The following SIRT3 variants were observed in gnomAD, a reference collection of about 807,000 sequenced individuals.
SIRT3 encodes sirtuin 3.
Under a neutral mutation model 33.5 loss-of-function variants are expected in SIRT3, and 26 were observed. The ratio of observed to expected loss-of-function variants is 0.78; its 90% CI spans 0.57 to 1.08. The LOEUF (loss-of-function observed/expected upper bound fraction) is 1.08. SIRT3 is among the 50% of genes least tolerant of loss of function. SIRT3 has a pLI of 0.00. For synonymous variants in SIRT3, 237 were observed against 222.1 expected (o/e 1.07, Z -0.60); for missense variants, 585 against 530.1 (o/e 1.10, Z -1.02).
chr11:234,217 C>A (rs978088668), intron 1 of SIRT3, among the ~76,000 whole-genome samples: 5 of 152,200 alleles, frequency 3.3e-5, no homozygotes, highest in Admixed American at 6.5e-5. Context: ...GTGTGAAATT[C>A]ACTGGGAGTG....
In SIRT3 at chr11:230,563, A is replaced by G; in HGVS notation, c.707-11T>C. 6.7e-7 allele frequency: 1 copy of G among 1,494,834 alleles called. No individual in the cohort carries two copies. Among genetic ancestry groups the G allele is most frequent in the Admixed American group, 2.4e-5 (1 of 41,222 alleles). The allele number at this position is 1,494,834 out of a possible 1,614,324, so 92.6% of individuals were successfully genotyped here. ...CAGGGATGCCCGACACTGAAATTCA[A>G]GCCAAAGCGAAGTGTTGCTGCCGCC... On this transcript the variant is annotated splice_polypyrimidine_tract_variant and intron_variant, in intron 3 of 6. Coordinates refer to ENST00000382743, the MANE Select transcript of SIRT3 (RefSeq NM_012239.6).
At chr11:224,351 G>T in intron 4 of SIRT3, 112 bp from the exon 5 acceptor site, 2 of 1,169,158 alleles carry the variant, frequency 1.7e-6, no homozygotes, top group Non-Finnish European at 2.4e-6. Context: ...AAAGGTGAGA[G>T]AGGGATCATG....
intron 4 of SIRT3, among the ~76,000 whole-genome samples, chr11:224,585 C>T (rs11246015): frequency 0.16 from 23,768 of 152,188 alleles, 2,347 homozygotes; most frequent in Middle Eastern, 0.22. Context: ...CCTGGTAGAC[C>T]ACACCAGTCC....
upstream of SIRT3, chr11:236,870 G>C (rs868404110): frequency 1.6e-5 from 10 of 616,738 alleles, no homozygotes; most frequent in Non-Finnish European, 2.3e-5. Flanking sequence ...GGAGAGTTTT[G>C]TCCGGAGCGC....
In SIRT3 at chr11:233,068, G is replaced by A. The variant is rs61744899; in HGVS notation, c.621C>T (p.Asn207=). ...KELYPGNYKP[N]VTHYFLRLLH... ...GCAGCCGGAGAAAGTAGTGAGTGAC[G>A]TTGGGCTTGTAGTTTCCAGGGTACA... The change falls in exon 3 of 7, where the codon AAC becomes AAT. Residue 207 remains asparagine, a synonymous_variant. Transcript: ENST00000382743. The A allele has an allele frequency of 2.4e-4, 382 of 1,614,200 alleles. 1 individual carries two copies. In the African/African-American group the frequency reaches 4.2e-3, roughly 18 times the overall value.
At chr11:217,724 G>A (rs1460645234) in intron 6 of SIRT3, among the ~76,000 whole-genome samples, 1 of 152,220 alleles carries the variant, frequency 6.6e-6, no homozygotes, top group Non-Finnish European at 1.5e-5. Flanking sequence ...CACAGCTGTG[G>A]ACAAGGAAAA....
chr11:235,343 C>A (rs1445207683), intron 1 of SIRT3, among the ~76,000 whole-genome samples: 1 of 151,104 alleles, frequency 6.6e-6, no homozygotes, highest in Non-Finnish European at 1.5e-5. Flanking sequence ...GTAACTGGGA[C>A]AACAGGCTTG....
intron 1 of SIRT3, among the ~76,000 whole-genome samples, chr11:234,789 T>A (rs1257166864): frequency 6.6e-6 from 1 of 151,968 alleles, no homozygotes; most frequent in South Asian, 2.1e-4. Context: ...TAGGTCCTGG[T>A]CCCTGCTCCA....
rs1397553952 is a variant in SIRT3 at position 233,510 on chromosome 11, T to C, written c.306A>G (p.Ile102Met). The change falls in exon 2 of 7, where the codon ATA (isoleucine) becomes ATG (methionine). Residue 102 changes from isoleucine to methionine, a missense_variant. Physicochemically the swap from Ile to Met is conservative, Grantham distance 10. Transcript: ENST00000382743. ...FSSIKGGRRS[I>M]SFSVGASSVV... ...CACTTGAAGCACCCACAGAAAAAGA[T>C]ATGGACCTTCTTCCACCTTTAATAC... The C allele has an allele frequency of 6.2e-7, 1 of 1,614,098 alleles. No homozygotes were observed. The highest frequency in any genetic ancestry group is 8.5e-7 in the Non-Finnish European group (1 of 1,180,016).
At chr11:236,386 GCCTCC>G (rs1859147927), upstream of SIRT3, 15 of 1,106,988 alleles carry the variant, frequency 1.4e-5, no homozygotes, top group East Asian at 5.3e-4. Flanking sequence ...CCCCGGCCCC[GCCTCC>G]GCCTCCCACC....
chr11:221,139 C>T (rs1856391727), intron 5 of SIRT3, among the ~76,000 whole-genome samples: 1 of 152,220 alleles, frequency 6.6e-6, no homozygotes, highest in Non-Finnish European at 1.5e-5. Context: ...TTCACTACAG[C>T]ACGGGATCTC....
chr11:236,379 C>CGCCCGCGGCGCCCT (rs1374994688), upstream of SIRT3: 2 of 1,178,936 alleles, frequency 1.7e-6, no homozygotes, highest in Non-Finnish European at 1.1e-6. Flanking sequence ...CCCGGCGCCC[C>CGCCCGCGGCGCCCT]GGCCCCGCCT....
chr11:232,920 G>A (rs1016637305), intron 3 of SIRT3, 63 bp downstream of exon 3: 47 of 1,523,094 alleles, frequency 3.1e-5, no homozygotes, highest in Non-Finnish European at 4.0e-5. Flanking sequence ...GCCTCCCTGG[G>A]AGAAACAGGC....
chr11:235,991 A>G (rs1859007093), intron 1 of SIRT3, 57 bp downstream of exon 1: 1 of 1,405,756 alleles, frequency 7.1e-7, no homozygotes. Flanking sequence ...GGTGAGAAAG[A>G]GTGGGCGAGG....
At chr11:234,034 G>A (rs1041351039) in intron 1 of SIRT3, 2 of 153,240 alleles carry the variant, frequency 1.3e-5, no homozygotes, top group African/African-American at 4.8e-5. Context: ...AGGAATGAAA[G>A]TTATTATTGC....
Position 218,718 on chromosome 11 carries a change from A to G in SIRT3, c.1179+114T>C, listed in dbSNP as rs1466224943. On this transcript the variant is annotated intron_variant, in intron 6 of 6. Transcript: ENST00000382743. ...TAGTGCCTGGTGCAGGATTCACAGC[A>G]TCATCAGCTATTACTGTTACTGTGT... is the stretch of plus-strand genomic sequence containing the variant. 22 of 1,540,998 alleles carry G rather than the reference A, an allele frequency of 1.4e-5. No homozygotes were observed. In the East Asian group the frequency reaches 1.6e-4, roughly 11 times the overall value.
intron 4 of SIRT3, among the ~76,000 whole-genome samples, chr11:224,614 G>A (rs1357010305): frequency 1.3e-5 from 2 of 152,170 alleles, no homozygotes; most frequent in African/African-American, 4.8e-5. Context: ...TAGTCTGCAG[G>A]CATTTGGCCT....
rs1252373922 is a variant in SIRT3 at position 223,999 on chromosome 11, G to A, written c.969+79C>T. ...AGACTCCTCCCTGCACAGGCCTGCC[G>A]ACAGCCCATGAGATGACTCCTGTAC... On this transcript the variant is annotated intron_variant, in intron 5 of 6. Coordinates refer to ENST00000382743, the MANE Select transcript of SIRT3 (RefSeq NM_012239.6). The surrounding 1 kb of genome is among the most constrained non-coding windows in gnomAD (Gnocchi z 4.8). 1.7e-5 allele frequency: 8 copies of A among 468,534 alleles called. 2 individuals carry two copies. Among genetic ancestry groups the A allele is most frequent in the Non-Finnish European group, 2.9e-5 (8 of 277,480 alleles). 29.0% of individuals were successfully genotyped at this position (468,534 alleles called of 1,614,324 possible).
intron 3 of SIRT3, among the ~76,000 whole-genome samples, chr11:231,143 T>G (rs1857934609): frequency 1.4e-5 from 2 of 144,734 alleles, no homozygotes; most frequent in Admixed American, 6.9e-5. Flanking sequence ...AAAAAAAAAT[T>G]ACACCTAATA....
Sources: gnomAD v4.1 joint callset for allele counts (sites outside exome capture counted in the v4.1 genomes callset) on GRCh38, gnomAD v4.1.1 for gene constraint, Gnocchi (gnomAD v3.1) non-coding constraint, MANE v1.5 for transcripts, NCBI Gene and HGNC (gene_info 2026-07-23, HGNC 2026-07-21) for gene names.